Variants in HRH1 observed in about 807,000 individuals in gnomAD.
HRH1 encodes histamine receptor H1, also known as histamine H1 receptor.
A neutral mutation model predicts 10.3 loss-of-function variants in HRH1; 6 were observed. The ratio of observed to expected loss-of-function variants is 0.58; its 90% CI spans 0.32 to 1.15. The LOEUF is 1.15. Among genes scored for constraint, HRH1 ranks in the 50% most tolerant of loss-of-function variants. HRH1 has a pLI of 0.05. For missense variants in HRH1, 514 were observed against 615.3 expected (o/e 0.84, Z 1.74); for synonymous variants, 242 against 236.7 (o/e 1.02, Z -0.21).
intron 1 of HRH1, among the ~76,000 whole-genome samples, chr3:11,258,430 C>T (rs907748312): frequency 1.3e-4 from 20 of 152,308 alleles, no homozygotes; most frequent in African/African-American, 4.3e-4. Context: ...CCTCAAACAT[C>T]ACTTCCTCAC....
At chr3:11,227,256 A>G (rs1938913014) in intron 1 of HRH1, among the ~76,000 whole-genome samples, 1 of 151,828 alleles carries the variant, frequency 6.6e-6, no homozygotes, top group South Asian at 2.1e-4. Flanking sequence ...TTGGGAAGGA[A>G]ATGCCATTTG....
intron 1 of HRH1, among the ~76,000 whole-genome samples, chr3:11,183,136 C>T (rs1223339410): frequency 6.6e-6 from 1 of 152,162 alleles, no homozygotes; most frequent in Non-Finnish European, 1.5e-5. Flanking sequence ...CCAGGCTTAG[C>T]CCAGTCCCAC....
At position 11,154,932 on chromosome 3, in the gene HRH1, C is replaced by T. The variant is rs923809063; in HGVS notation, c.-36+378C>T. Among the ~76,000 whole-genome samples the T allele has an allele frequency of 1.3e-5, 2 of 152,202 alleles. No individual in the cohort carries two copies. Among genetic ancestry groups the T allele is most frequent in the Non-Finnish European group, 2.9e-5 (2 of 68,030 alleles). On this transcript the variant is annotated intron_variant, in intron 1 of 1. Transcript: ENST00000431010. This position sits in a 1 kb window ranked among gnomAD's most constrained non-coding sequence, Gnocchi z 4.4. ...TCTGAGTTCGCTGCTAACCGTAGTG[C>T]CAGCCCATTGGTTGAGTGCGTTCAC...
intron 1 of HRH1, among the ~76,000 whole-genome samples, chr3:11,230,252 C>T (rs887698963): frequency 5.3e-5 from 8 of 152,132 alleles, no homozygotes; most frequent in African/African-American, 1.7e-4. Flanking sequence ...AAGTACTGGG[C>T]GTGAAGACAA....
intron 1 of HRH1, among the ~76,000 whole-genome samples, chr3:11,157,024 C>T (rs926272804): frequency 2.6e-5 from 4 of 152,214 alleles, no homozygotes; most frequent in Non-Finnish European, 5.9e-5. Context: ...GCCATTGCAA[C>T]GAGTGTCACT....
At chr3:11,235,585 C>G (rs1939159227) in intron 1 of HRH1, among the ~76,000 whole-genome samples, 1 of 152,208 alleles carries the variant, frequency 6.6e-6, no homozygotes. Flanking sequence ...CCCATGCACC[C>G]CTACTGACAC....
At chr3:11,182,033 A>T (rs1312148404) in intron 1 of HRH1, among the ~76,000 whole-genome samples, 1 of 152,088 alleles carries the variant, frequency 6.6e-6, no homozygotes, top group East Asian at 1.9e-4. Context: ...CCCAGGCTAG[A>T]GTGCAGTGAC....
At chr3:11,223,570 G>T (rs1189948396) in intron 1 of HRH1, among the ~76,000 whole-genome samples, 1 of 152,196 alleles carries the variant, frequency 6.6e-6, no homozygotes, top group Non-Finnish European at 1.5e-5. Context: ...CCTCCAGCTT[G>T]ACTGTTCTCT....
intron 1 of HRH1, among the ~76,000 whole-genome samples, chr3:11,225,675 A>ATTAT (rs1182722071): frequency 2.0e-5 from 3 of 152,342 alleles, no homozygotes; most frequent in South Asian, 4.1e-4. Flanking sequence ...ACCTAGCTTT[A>ATTAT]TTATTTATTT....
In HRH1 at chr3:11,234,346, C is replaced by T. The variant is rs866429195; in HGVS notation, c.-35-24657C>T. 10 of 1,593,126 alleles carry T rather than the reference C, an allele frequency of 6.3e-6. 1 individual carries two copies. The Middle Eastern group carries it at 1.3e-3, about 211-fold the overall frequency. On this transcript the variant is annotated intron_variant, in intron 1 of 1. Transcript: ENST00000431010. ...CTGGCTTCTTCTCTCTTTCCTCTTCCTCATCCTCATCCTCTTGGGGATAGA... is the reference window on the plus strand; with the variant it reads ...CTGGCTTCTTCTCTCTTTCCTCTTCTTCATCCTCATCCTCTTGGGGATAGA...
intron 1 of HRH1, among the ~76,000 whole-genome samples, chr3:11,145,999 T>C (rs1936433702): frequency 6.6e-6 from 1 of 152,256 alleles, no homozygotes; most frequent in Non-Finnish European, 1.5e-5. Context: ...GTTTGGGCTA[T>C]TATCAACAAT....
intron 1 of HRH1, among the ~76,000 whole-genome samples, chr3:11,225,754 C>T: frequency 6.6e-6 from 1 of 152,240 alleles, no homozygotes; most frequent in East Asian, 1.9e-4. Context: ...GGCACGATCT[C>T]GGCTCACTTC....
At chr3:11,184,772 C>T (rs1205122305) in intron 1 of HRH1, among the ~76,000 whole-genome samples, 1 of 151,964 alleles carries the variant, frequency 6.6e-6, no homozygotes, top group Non-Finnish European at 1.5e-5. Flanking sequence ...TAAAACTTAG[C>T]TGGGTGTGGT....
intron 1 of HRH1, among the ~76,000 whole-genome samples, chr3:11,181,874 T>A (rs59770414): frequency 2.0e-5 from 3 of 151,822 alleles, no homozygotes; most frequent in African/African-American, 7.3e-5. Context: ...CTCGTGATCC[T>A]CCCGCCTTGG....
At chr3:11,181,780 C>T (rs187400294) in intron 1 of HRH1, among the ~76,000 whole-genome samples, 1,590 of 151,736 alleles carry the variant, frequency 0.01, 19 homozygotes, top group Non-Finnish European at 0.017. Flanking sequence ...TACAGGCGCC[C>T]GCCACTGCGC....
In HRH1 at chr3:11,261,307, G is replaced by T. The variant is rs141321626; in HGVS notation, c.*806G>T. ...AATGGTTGCACGTTAAAAATTAAAA[G>T]AAGGAATGGGGGCAGAATGCCATAT... is the stretch of plus-strand genomic sequence containing the variant. On this transcript the variant is annotated 3_prime_UTR_variant, in exon 2 of 2. Coordinates refer to ENST00000431010, the MANE Select transcript of HRH1 (RefSeq NM_001098212.2). 3.5e-4 allele frequency: 59 copies of T among 167,176 alleles called. No individual in the cohort carries two copies. Among genetic ancestry groups the T allele is most frequent in the African/African-American group, 1.3e-3 (56 of 41,588 alleles). The allele number at this position is 167,176 out of a possible 1,614,324, so 10.4% of individuals were successfully genotyped here. A position where few individuals can be genotyped will look rare whatever the true frequency, so the allele number is the denominator to read the frequency against.
chr3:11,148,955 C>T (rs1209413616), intron 1 of HRH1, among the ~76,000 whole-genome samples: 1 of 151,854 alleles, frequency 6.6e-6, no homozygotes, highest in East Asian at 1.9e-4. Context: ...ATCTTGAGGG[C>T]AGATGCTTGT....
At chr3:11,207,176 G>T (rs1270123767) in intron 1 of HRH1, among the ~76,000 whole-genome samples, 2 of 151,994 alleles carry the variant, frequency 1.3e-5, no homozygotes. Flanking sequence ...GGGAGGGGAA[G>T]GCGGGAAAGG....
At chr3:11,250,808 T>G (rs1939629975) in intron 1 of HRH1, among the ~76,000 whole-genome samples, 1 of 152,138 alleles carries the variant, frequency 6.6e-6, no homozygotes, top group African/African-American at 2.4e-5. Context: ...CTGATGAGGG[T>G]GGATGCACGG....
Sources: gnomAD v4.1 joint callset for allele counts (sites outside exome capture counted in the v4.1 genomes callset) on GRCh38, gnomAD v4.1.1 for gene constraint, Gnocchi (gnomAD v3.1) non-coding constraint, MANE v1.5 for transcripts, NCBI Gene and HGNC (gene_info 2026-07-23, HGNC 2026-07-21) for gene names.